The following ZSCAN29 variants were observed in gnomAD, a reference collection of about 807,000 sequenced individuals.
The protein encoded by ZSCAN29 is zinc finger and SCAN domain-containing protein 29.
Under a neutral mutation model 71.9 loss-of-function variants are expected in ZSCAN29, and 55 were observed. The observed-to-expected ratio is 0.76, with a 90% CI of 0.62 to 0.96. The LOEUF (loss-of-function observed/expected upper bound fraction) is 0.96. Ranked by LOEUF, ZSCAN29 falls within the 40% of genes least tolerant of loss-of-function variation. The pLI is 0.00. For synonymous variants in ZSCAN29, 351 were observed against 371.6 expected (o/e 0.94, Z 0.64); for missense variants, 1,042 against 1,042.2 (o/e 1.00, Z 0.00).
Position 43,361,164 on chromosome 15 carries a change from C to T in ZSCAN29, c.2468G>A (p.Cys823Tyr), listed in dbSNP as rs1162399784. Residue 823 changes from cysteine (C) to tyrosine (Y), a missense_variant, in exon 6 of 6, where the codon TGT (cysteine) becomes TAT (tyrosine). Coordinates refer to ENST00000684362, the MANE Select transcript of ZSCAN29 (RefSeq NM_001372080.1). ...AGAGCTTTTACTGAAGCACTTACCA[C>T]AGTCATGACACCCATAGGGTTTCTC... ...TGEKPYGCHD[C>Y]GKCFSKSSAL... 1.2e-6 allele frequency: 2 copies of T among 1,614,224 alleles called. No homozygotes were observed. Among genetic ancestry groups the T allele is most frequent in the Non-Finnish European group, 1.7e-6 (2 of 1,180,018 alleles).
intron 5 of ZSCAN29, among the ~76,000 whole-genome samples, chr15:43,363,159 A>G (rs1310747260): frequency 6.6e-6 from 1 of 152,096 alleles, no homozygotes; most frequent in Non-Finnish European, 1.5e-5. Context: ...TTGTATTTTT[A>G]ATAGAGATGG....
Position 43,366,395 on chromosome 15 carries a change from T to C in ZSCAN29, c.937A>G (p.Lys313Glu). 2 of 1,614,166 alleles carry C rather than the reference T, an allele frequency of 1.2e-6. No homozygotes were observed. Among genetic ancestry groups the C allele is most frequent in the Non-Finnish European group, 1.7e-6 (2 of 1,180,038 alleles). The change falls in exon 4 of 6, where the codon AAG (lysine) becomes GAG (glutamate). Residue 313 changes from lysine to glutamate, a missense_variant. Coordinates refer to ENST00000684362, the MANE Select transcript of ZSCAN29 (RefSeq NM_001372080.1). ...KGLQKSYRKV[K>E]SGHPPETCPF... ...CAGGTCTCAGGTGGGTGGCCGCTCT[T>C]GACTTTCCGATAGCTCTTCTGGAGA...
intron 3 of ZSCAN29, 68 bp downstream of exon 3, chr15:43,368,855 C>A: frequency 7.1e-7 from 1 of 1,405,316 alleles, no homozygotes; most frequent in Non-Finnish European, 9.6e-7. Context: ...CTTTCCCACT[C>A]ACTATTCCCA....
At chr15:43,364,892 C>CAAAAAAAAAA (rs57976198) in intron 4 of ZSCAN29, among the ~76,000 whole-genome samples, 1 of 38,938 alleles carries the variant, frequency 2.6e-5, no homozygotes, top group Non-Finnish European at 5.4e-5. Context: ...GACTCTGTCT[C>CAAAAAAAAAA]AAAAAAAAAA....
rs759020326 is a variant in ZSCAN29 at position 43,366,629 on chromosome 15, G to A, written c.703C>T (p.His235Tyr). The change falls in exon 4 of 6, where the codon CAC becomes TAC. Residue 235 changes from histidine (H) to tyrosine (Y), a missense_variant. Coordinates refer to ENST00000684362, the MANE Select transcript of ZSCAN29 (RefSeq NM_001372080.1). ...ACCTTCTCATCTTCAAAGCTCCAGT[G>A]ATCCTGTTCCACCCAGCTTCTTCTA... ...KDRRSWVEQD[H>Y]WSFEDEKVAG... 6.2e-6 allele frequency: 10 copies of A among 1,614,204 alleles called. No individual in the cohort carries two copies. The highest frequency in any genetic ancestry group is 8.5e-6 in the Non-Finnish European group (10 of 1,180,032).
chr15:43,368,791 A>C, intron 3 of ZSCAN29, 132 bp downstream of exon 3: 1 of 797,518 alleles, frequency 1.3e-6, no homozygotes, highest in East Asian at 2.6e-5. Flanking sequence ...ACCAGAGGCT[A>C]AACTACATGT....
intron 3 of ZSCAN29, 42 bp downstream of exon 3, chr15:43,368,868 CCTACTTCCCAACT>C (rs2044065494): frequency 1.3e-6 from 2 of 1,492,718 alleles, no homozygotes; most frequent in African/African-American, 2.8e-5. Flanking sequence ...TATTCCCAAC[CCTACTTCCCAACT>C]TGGAATGGCA....
At position 43,366,323 on chromosome 15, in the gene ZSCAN29, C is replaced by A; in HGVS notation, c.1009G>T (p.Ala337Ser). ...MEALMSAQVI[A>S]LPSNGLEAAA... ...GCTTCCAGGCCATTACTGGGCAGGG[C>A]AATGACCTGAGCACTCATCAGGGCT... Residue 337 changes from alanine to serine, a missense_variant, in exon 4 of 6, where the codon GCC (alanine) becomes TCC (serine). By Grantham distance (99) the Ala-to-Ser change is moderately conservative. Coordinates refer to ENST00000684362, the MANE Select transcript of ZSCAN29 (RefSeq NM_001372080.1). 1 of 1,613,226 alleles carries A rather than the reference C, an allele frequency of 6.2e-7. No homozygotes were observed. The highest frequency in any genetic ancestry group is 1.1e-5 in the South Asian group (1 of 91,076).
chr15:43,369,501 G>A (rs2044075746), intron 2 of ZSCAN29, 95 bp downstream of exon 2: 2 of 1,371,068 alleles, frequency 1.5e-6, no homozygotes, highest in Non-Finnish European at 2.0e-6. Context: ...GCCTCACCAA[G>A]GGAGACTGTG....
At chr15:43,368,849 C>T (rs1443899453) in intron 3 of ZSCAN29, 74 bp downstream of exon 3, 5 of 1,358,282 alleles carry the variant, frequency 3.7e-6, no homozygotes, top group Admixed American at 2.4e-5. Flanking sequence ...AAATCCCTTT[C>T]CCACTCACTA....
At chr15:43,368,151 C>T (rs2044058000) in intron 3 of ZSCAN29, among the ~76,000 whole-genome samples, 1 of 152,086 alleles carries the variant, frequency 6.6e-6, no homozygotes, top group South Asian at 2.1e-4. Context: ...AAATAATAAA[C>T]ATAATTTAGT....
chr15:43,370,394 T>A (rs990541771), intron 1 of ZSCAN29, 164 bp downstream of exon 1: 3 of 153,808 alleles, frequency 2.0e-5, no homozygotes, highest in African/African-American at 7.2e-5. Context: ...GCAGCTGATC[T>A]CCCCCAGTAT....
intron 1 of ZSCAN29, 22 bp from the exon 2 acceptor site, chr15:43,370,047 C>A: frequency 1.1e-6 from 1 of 911,936 alleles, no homozygotes; most frequent in South Asian, 1.7e-5. Flanking sequence ...AAAGATGGCA[C>A]TATCAGAAGG....
intron 5 of ZSCAN29, among the ~76,000 whole-genome samples, chr15:43,362,338 G>C (rs2043990744): frequency 6.6e-6 from 1 of 152,144 alleles, no homozygotes; most frequent in African/African-American, 2.4e-5. Context: ...TTCTTCACCA[G>C]TAACTAAAAG....
chr15:43,363,845 A>G (rs2899082), intron 5 of ZSCAN29, 70 bp downstream of exon 5: 228,507 of 1,436,976 alleles, frequency 0.16, 30,446 homozygotes, highest in African/African-American at 0.64. Flanking sequence ...GTTCTCAATC[A>G]GATGATATTT....
intron 3 of ZSCAN29, among the ~76,000 whole-genome samples, chr15:43,367,578 C>A (rs1437477880): frequency 6.6e-6 from 1 of 152,190 alleles, no homozygotes; most frequent in Non-Finnish European, 1.5e-5. Context: ...CAAACCCATA[C>A]GGTACTCACA....
chr15:43,362,019 C>A, intron 5 of ZSCAN29, 78 bp from the exon 6 acceptor site: 1 of 1,431,040 alleles, frequency 7.0e-7, no homozygotes, highest in Admixed American at 2.2e-5. Context: ...TTGGGAAAAA[C>A]AAGCATTACA....
At chr15:43,363,602 T>C (rs1052379630) in intron 5 of ZSCAN29, 1 of 290,672 alleles carries the variant, frequency 3.4e-6, no homozygotes, top group Non-Finnish European at 6.5e-6. Context: ...GTACGTGACA[T>C]GCTACTTGAG....
chr15:43,361,453 T>A lies in ZSCAN29; in HGVS notation c.2179A>T (p.Ile727Phe). The A allele has an allele frequency of 1.9e-6, 3 of 1,613,662 alleles. No individual in the cohort carries two copies. Among genetic ancestry groups the A allele is most frequent in the Non-Finnish European group, 2.5e-6 (3 of 1,179,508 alleles). Residue 727 changes from isoleucine to phenylalanine, a missense_variant, in exon 6 of 6, where the codon ATC becomes TTC. Ile to Phe is a conservative substitution (Grantham distance 21). Coordinates refer to ENST00000684362, the MANE Select transcript of ZSCAN29 (RefSeq NM_001372080.1). ...DSSNFITHRR[I>F]HTGEKPYQCG... Reference sequence around the variant, plus strand: ...TGATAAGGTTTCTCTCCTGTGTGGATTCTCCTATGGGTGATGAAATTTGAA... The same window carrying A: ...TGATAAGGTTTCTCTCCTGTGTGGAATCTCCTATGGGTGATGAAATTTGAA...
Sources: allele counts gnomAD v4.1 joint callset (sites outside exome capture counted in the v4.1 genomes callset), GRCh38; gene constraint gnomAD v4.1.1; transcripts MANE v1.5; gene names NCBI Gene and HGNC (gene_info 2026-07-23, HGNC 2026-07-21).